The following LTBP2 variants were observed in gnomAD, a reference collection of about 807,000 sequenced individuals.
The protein encoded by LTBP2 is latent transforming growth factor beta binding protein 2, also known as latent-transforming growth factor beta-binding protein 2.
Under a neutral mutation model 210.6 loss-of-function variants are expected in LTBP2, and 103 were observed. That is an observed-to-expected ratio of 0.49 (90% confidence interval 0.42 to 0.58). LTBP2 has a LOEUF of 0.58. LTBP2 is among the 20% of genes least tolerant of loss of function. LTBP2 has a pLI of 0.00. For synonymous variants in LTBP2, 1,007 were observed against 1,015.0 expected (o/e 0.99, Z 0.15); for missense variants, 2,313 against 2,494.5 (o/e 0.93, Z 1.55).
intron 2 of LTBP2, among the ~76,000 whole-genome samples, chr14:74,598,219 C>A (rs1390989941): frequency 1.3e-5 from 2 of 152,182 alleles, no homozygotes; most frequent in African/African-American, 2.4e-5. Context: ...ATGAATGGGG[C>A]AAACAGGCTC....
chr14:74,529,273 G>A, intron 10 of LTBP2, 151 bp from the exon 11 acceptor site: 1 of 911,432 alleles, frequency 1.1e-6, no homozygotes, highest in Non-Finnish European at 1.8e-6. Flanking sequence ...CCCTGCAAAT[G>A]CTCACAAGAA....
intron 21 of LTBP2, 90 bp from the exon 22 acceptor site, chr14:74,509,453 C>G: frequency 6.3e-7 from 1 of 1,578,506 alleles, no homozygotes; most frequent in Non-Finnish European, 8.7e-7. Context: ...CCTCTCTGAG[C>G]CCCTGGGGCT....
intron 3 of LTBP2, among the ~76,000 whole-genome samples, chr14:74,585,475 T>C (rs1365996505): frequency 1.3e-5 from 2 of 152,348 alleles, no homozygotes; most frequent in Non-Finnish European, 1.5e-5. Flanking sequence ...ACCTTACTGA[T>C]GCAGAATCCG....
chr14:74,567,469 G>A (rs370447940), intron 3 of LTBP2, among the ~76,000 whole-genome samples: 189 of 152,270 alleles, frequency 1.2e-3, no homozygotes, highest in African/African-American at 4.1e-3. Context: ...GCAGAGGCGG[G>A]GTGGGGGTGG....
intron 16 of LTBP2, 31 bp downstream of exon 16, chr14:74,522,758 GC>G: frequency 1.3e-6 from 2 of 1,598,446 alleles, no homozygotes; most frequent in Non-Finnish European, 8.5e-7. Context: ...TACCCCAGCC[GC>G]CAAGTAAGCC....
chr14:74,604,164 C>CAAACAAAAAAAAAAAAAGAA (rs1273987376), intron 1 of LTBP2, among the ~76,000 whole-genome samples: 1 of 72,750 alleles, frequency 1.4e-5, no homozygotes, highest in African/African-American at 7.5e-5. Context: ...TGCCTCTCAC[C>CAAACAAAAAAAAAAAAAGAA]AAAAAAAAAA....
At position 74,503,396 on chromosome 14, in the gene LTBP2, C is replaced by T. The variant is rs537755577; in HGVS notation, c.4721-10G>A. 2 of 1,611,702 alleles carry T rather than the reference C, an allele frequency of 1.2e-6. No homozygotes were observed. The highest frequency in any genetic ancestry group is 4.5e-5 in the East Asian group (2 of 44,844). On this transcript the variant is annotated splice_polypyrimidine_tract_variant and intron_variant, in intron 32 of 35. Transcript: ENST00000261978. ...TGGTCAGGGAGGTCCTCTGGTGGCACAGGGCACGGAGGCACATGAGCCCCC... is the reference window on the plus strand; with the variant it reads ...TGGTCAGGGAGGTCCTCTGGTGGCATAGGGCACGGAGGCACATGAGCCCCC...
chr14:74,540,532 G>A lies in LTBP2; in HGVS notation c.1790-4532C>T, dbSNP rs774086774. Among the ~76,000 whole-genome samples, 81 of 151,194 alleles carry A rather than the reference G, an allele frequency of 5.4e-4. 1 individual carries two copies. Among genetic ancestry groups the A allele is most frequent in the Non-Finnish European group, 9.3e-4 (63 of 67,868 alleles). ...TGTAATCCTAGCACTTTGGGAGGCCGAGGCGGGCGGATCATGAGGTCAGGA... is the reference window on the plus strand; with the variant it reads ...TGTAATCCTAGCACTTTGGGAGGCCAAGGCGGGCGGATCATGAGGTCAGGA... On this transcript the variant is annotated intron_variant, in intron 8 of 35. Coordinates refer to ENST00000261978, the MANE Select transcript of LTBP2 (RefSeq NM_000428.3).
In LTBP2 at chr14:74,506,853, A is replaced by AT. The variant is rs763186464; in HGVS notation, c.3908-31dup. 10 of 1,568,152 alleles carry AT rather than the reference A, an allele frequency of 6.4e-6. No homozygotes were observed. The African/African-American group carries it at 9.9e-5, about 16-fold the overall frequency. ...GGGACAGTGGGAACCAGGATAGAGG[A>AT]TGTGTGTGTGTGTGTGTGTGTGTGT... On this transcript the variant is annotated intron_variant, in intron 26 of 35. Coordinates refer to ENST00000261978, the MANE Select transcript of LTBP2 (RefSeq NM_000428.3).
intron 28 of LTBP2, 65 bp from the exon 29 acceptor site, chr14:74,505,239 A>G: frequency 6.5e-7 from 1 of 1,545,212 alleles, no homozygotes; most frequent in African/African-American, 1.4e-5. Context: ...ATAGTCCTTG[A>G]CTTTATTTCT....
Position 74,532,546 on chromosome 14 carries a change from T to C in LTBP2, c.1867A>G (p.Ile623Val). Residue 623 changes from isoleucine (I) to valine (V), a missense_variant and splice_region_variant, in exon 10 of 36, where the codon ATC becomes GTC. By Grantham distance (29) the Ile-to-Val change is conservative (BLOSUM62 3). This residue lies in a region of LTBP2 where 1,867 missense variants were observed against 1,976.9 expected (regional missense o/e 0.94). Coordinates refer to ENST00000261978, the MANE Select transcript of LTBP2 (RefSeq NM_000428.3). ...KRLNLTHCQD[I>V]NECLTLGLCK... ...AGGCCCAGGGTCAAGCACTCGTTGA[T>C]ATCTGCAGGGTTGGAGGAGATGACC... The C allele has an allele frequency of 6.2e-7, 1 of 1,614,068 alleles. No individual in the cohort carries two copies. The highest frequency in any genetic ancestry group is 1.1e-5 in the South Asian group (1 of 91,060).
intron 8 of LTBP2, among the ~76,000 whole-genome samples, chr14:74,539,431 G>A (rs2087463996): frequency 6.6e-6 from 1 of 152,236 alleles, no homozygotes; most frequent in Non-Finnish European, 1.5e-5. Flanking sequence ...ATGATGTTGG[G>A]CATGGTAGCT....
At chr14:74,522,498 G>A (rs2087219135) in intron 16 of LTBP2, among the ~76,000 whole-genome samples, 1 of 152,120 alleles carries the variant, frequency 6.6e-6, no homozygotes, top group African/African-American at 2.4e-5. Context: ...AGTTTGAGGG[G>A]TGGGCTGATC....
intron 18 of LTBP2, among the ~76,000 whole-genome samples, chr14:74,513,997 C>T (rs2087104731): frequency 6.6e-6 from 1 of 152,194 alleles, no homozygotes; most frequent in Non-Finnish European, 1.5e-5. Flanking sequence ...TCATTCTCCA[C>T]CCGAGCCAGG....
At chr14:74,551,967 A>G (rs1469281079) in intron 6 of LTBP2, among the ~76,000 whole-genome samples, 1 of 152,172 alleles carries the variant, frequency 6.6e-6, no homozygotes, top group East Asian at 1.9e-4. Flanking sequence ...GGTTCCCAGC[A>G]CAGGGAAAGG....
At chr14:74,543,508 GC>G in intron 8 of LTBP2, among the ~76,000 whole-genome samples, 2 of 3,794 alleles carry the variant, frequency 5.3e-4, no homozygotes, top group South Asian at 6.5e-3. Context: ...TATAGAGCCT[GC>G]CTGCCTGCCT....
chr14:74,589,745 T>A (rs1358389683), intron 2 of LTBP2, among the ~76,000 whole-genome samples: 1 of 152,102 alleles, frequency 6.6e-6, no homozygotes, highest in Non-Finnish European at 1.5e-5. Flanking sequence ...CTAGTGAACA[T>A]GGAGGAAGCA....
Position 74,528,702 on chromosome 14 carries a change from C to T in LTBP2, c.2153-4G>A, listed in dbSNP as rs1412253430. The T allele has an allele frequency of 1.9e-6, 3 of 1,610,852 alleles. No homozygotes were observed. Among genetic ancestry groups the T allele is most frequent in the Admixed American group, 1.7e-5 (1 of 60,014 alleles). ...GGGCAGATCTCTCTGAAGGCCTCTGCAAAGCCAACAGCCAGAGGACAAACT... is the reference window on the plus strand; with the variant it reads ...GGGCAGATCTCTCTGAAGGCCTCTGTAAAGCCAACAGCCAGAGGACAAACT... On this transcript the variant is annotated splice_region_variant and splice_polypyrimidine_tract_variant and intron_variant, in intron 11 of 35. Transcript: ENST00000261978.
chr14:74,533,766 C>G (rs1033319379), intron 9 of LTBP2, among the ~76,000 whole-genome samples: 1 of 152,206 alleles, frequency 6.6e-6, no homozygotes, highest in Non-Finnish European at 1.5e-5. Context: ...AAGGGGGAAA[C>G]CCCCTTTTCC....
Sources: allele counts gnomAD v4.1 joint callset (sites outside exome capture counted in the v4.1 genomes callset), GRCh38; gene constraint gnomAD v4.1.1; regional missense constraint gnomAD v4.1.1; transcripts MANE v1.5; gene names NCBI Gene and HGNC (gene_info 2026-07-23, HGNC 2026-07-21).